The following SEPTIN11 variants were observed in gnomAD, a reference collection of about 807,000 sequenced individuals.
SEPTIN11 encodes the protein septin 11, also known as septin-11.
In SEPTIN11, 25 loss-of-function variants were observed where a neutral mutation model predicts 51.4. The observed-to-expected ratio is 0.49, with a 90% CI of 0.35 to 0.68. The LOEUF is 0.68. Ranked by LOEUF, SEPTIN11 falls within the 30% of genes least tolerant of loss-of-function variation. The pLI, the probability that SEPTIN11 is intolerant of heterozygous loss-of-function variation, is 0.00. For synonymous variants in SEPTIN11, 174 were observed against 184.1 expected (o/e 0.95, Z 0.44); for missense variants, 381 against 520.8 (o/e 0.73, Z 2.61).
intron 1 of SEPTIN11, among the ~76,000 whole-genome samples, chr4:76,955,342 A>T (rs1474286102): frequency 6.6e-6 from 1 of 152,174 alleles, no homozygotes. Context: ...TTTAGCAAGG[A>T]AAGGGAGATG....
Position 77,029,753 on chromosome 4 carries a change from C to CAT in SEPTIN11, c.1086+1006_1086+1007dup, listed in dbSNP as rs141639335. ...TTATTTAAGTAGCTAATACATAATG[C>CAT]ATATATATATATATACACACACACA... On this transcript the variant is annotated intron_variant, in intron 8 of 9. Coordinates refer to ENST00000264893, the MANE Select transcript of SEPTIN11 (RefSeq NM_018243.4). Among the ~76,000 whole-genome samples, 662 of 149,564 alleles carry CAT rather than the reference C, an allele frequency of 4.4e-3. 2 individuals carry two copies. The highest frequency in any genetic ancestry group is 0.027 in the Middle Eastern group (8 of 292).
chr4:77,027,588 G>A (rs749624678), intron 7 of SEPTIN11, among the ~76,000 whole-genome samples: 1 of 152,214 alleles, frequency 6.6e-6, no homozygotes, highest in Non-Finnish European at 1.5e-5. Flanking sequence ...GCCAGGGATC[G>A]TGCAGAGTGG....
intron 1 of SEPTIN11, among the ~76,000 whole-genome samples, chr4:76,988,998 G>A (rs1019300836): frequency 6.6e-6 from 1 of 152,192 alleles, no homozygotes; most frequent in African/African-American, 2.4e-5. Context: ...TTCACCCTGT[G>A]TTGGCTTTCC....
chr4:77,018,754 A>G (rs1342050171), intron 5 of SEPTIN11, among the ~76,000 whole-genome samples: 1 of 152,236 alleles, frequency 6.6e-6, no homozygotes, highest in African/African-American at 2.4e-5. Context: ...CAGTTTTGCC[A>G]AAACAATAAA....
chr4:76,998,600 T>C (rs1018551144), intron 2 of SEPTIN11, among the ~76,000 whole-genome samples: 1 of 152,124 alleles, frequency 6.6e-6, no homozygotes, highest in Non-Finnish European at 1.5e-5. Flanking sequence ...TAAACCCAGT[T>C]AAGACTCTCC....
rs925437383 is a variant in SEPTIN11, at chr4:77,036,584, T to A, written c.*2072T>A. 9.1e-6 allele frequency: 13 copies of A among 1,427,538 alleles called. No homozygotes were observed. Among genetic ancestry groups the A allele is most frequent in the African/African-American group, 1.5e-5 (1 of 68,376 alleles). 88.4% of individuals were successfully genotyped at this position (1,427,538 alleles called of 1,614,324 possible). A position where few individuals can be genotyped will look rare whatever the true frequency, so the allele number is the denominator to read the frequency against. Reference sequence around the variant, plus strand: ...ATTGGATTGACTTTTTTGCATTAAATTTTTCCCAGCAAAATAAATCATATG... The same window carrying A: ...ATTGGATTGACTTTTTTGCATTAAAATTTTCCCAGCAAAATAAATCATATG... On this transcript the variant is annotated 3_prime_UTR_variant, in exon 10 of 10. Coordinates refer to ENST00000264893, the MANE Select transcript of SEPTIN11 (RefSeq NM_018243.4).
At chr4:77,031,042 C>A (rs76333678) in intron 9 of SEPTIN11, 72 bp downstream of exon 9, 2 of 1,371,614 alleles carry the variant, frequency 1.5e-6, no homozygotes, top group East Asian at 2.4e-5. Context: ...CTACTTTTCC[C>A]ATTTACAGAC....
chr4:76,957,878 C>A (rs1721633134), intron 1 of SEPTIN11, among the ~76,000 whole-genome samples: 1 of 152,162 alleles, frequency 6.6e-6, no homozygotes, highest in African/African-American at 2.4e-5. Flanking sequence ...GGAGTCCCCA[C>A]CCCACCTTTC....
chr4:77,034,446 TTTTAA>T, intron 9 of SEPTIN11, 46 bp from the exon 10 acceptor site: 1 of 1,440,296 alleles, frequency 6.9e-7, no homozygotes, highest in Non-Finnish European at 9.2e-7. Flanking sequence ...TTTCCTTTCT[TTTTAA>T]TTTATTATTA....
At chr4:77,016,633 C>CACACATATATATATATATATATATAT (rs1375044162) in intron 5 of SEPTIN11, among the ~76,000 whole-genome samples, 5 of 72,746 alleles carry the variant, frequency 6.9e-5, no homozygotes, top group Admixed American at 1.6e-4. Flanking sequence ...TATATATACA[C>CACACATATATATATATATATATATAT]ATATATATAT....
Position 77,035,393 on chromosome 4 carries a change from AC to A in SEPTIN11, c.*883del. 1 of 985,390 alleles carries A rather than the reference AC, an allele frequency of 1.0e-6. No homozygotes were observed. Among genetic ancestry groups the A allele is most frequent in the Non-Finnish European group, 1.2e-6 (1 of 829,908 alleles). The allele number at this position is 985,390 out of a possible 1,614,324, so 61.0% of individuals were successfully genotyped here. ...TGTTCCCAGTGGGCTTAGAGGGAGG[AC>A]CTGATGACTGATTCCAGGATACTTG... On this transcript the variant is annotated 3_prime_UTR_variant, in exon 10 of 10. Coordinates refer to ENST00000264893, the MANE Select transcript of SEPTIN11 (RefSeq NM_018243.4).
intron 1 of SEPTIN11, chr4:76,973,173 A>G (rs1722321140): frequency 2.0e-5 from 3 of 152,196 alleles, no homozygotes; most frequent in African/African-American, 7.2e-5. Flanking sequence ...GCAGGACTTT[A>G]TCACTCAAAG....
At position 76,949,791 on chromosome 4, in the gene SEPTIN11, A is replaced by G. The variant is rs554288036; in HGVS notation, c.-113A>G. On this transcript the variant is annotated 5_prime_UTR_variant, in exon 1 of 10. Transcript: ENST00000264893. ...GGCTGCCAGCGGGACGCCGGCGAGC[A>G]GAGCGCAGCCGCGAGGGAGGCGCGA... is the stretch of plus-strand genomic sequence containing the variant. 86 of 1,180,238 alleles carry G rather than the reference A, an allele frequency of 7.3e-5. No individual in the cohort carries two copies. The South Asian group carries it at 7.7e-4, about 11-fold the overall frequency. The allele number at this position is 1,180,238 out of a possible 1,614,324, so 73.1% of individuals were successfully genotyped here.
Position 77,007,568 on chromosome 4 carries a change from C to T in SEPTIN11, c.338+1772C>T, listed in dbSNP as rs550481830. Among the ~76,000 whole-genome samples the T allele has an allele frequency of 3.6e-4, 55 of 152,300 alleles. 3 individuals are homozygous for T. In the South Asian group the frequency reaches 6.0e-3, roughly 17 times the overall value. On this transcript the variant is annotated intron_variant, in intron 3 of 9. Coordinates refer to ENST00000264893, the MANE Select transcript of SEPTIN11 (RefSeq NM_018243.4). ...TCAGCACTCAGCAGCAAACAGTTAGCACAATGCATATCCTCATATTTGCAG... is the reference window on the plus strand; with the variant it reads ...TCAGCACTCAGCAGCAAACAGTTAGTACAATGCATATCCTCATATTTGCAG...
At chr4:76,998,915 C>A (rs1368797641) in intron 2 of SEPTIN11, among the ~76,000 whole-genome samples, 1 of 152,056 alleles carries the variant, frequency 6.6e-6, no homozygotes, top group African/African-American at 2.4e-5. Flanking sequence ...TCAGTTCACT[C>A]CAAAACATAC....
chr4:76,993,545 A>G (rs1471491784), intron 1 of SEPTIN11, among the ~76,000 whole-genome samples: 1 of 152,120 alleles, frequency 6.6e-6, no homozygotes, highest in Non-Finnish European at 1.5e-5. Context: ...TGCTGGAGGC[A>G]CTGGGTAAGG....
At position 77,037,173 on chromosome 4, in the gene SEPTIN11, C is replaced by T. The variant is rs569769007; in HGVS notation, c.*2661C>T. The T allele has an allele frequency of 2.0e-5, 14 of 693,718 alleles. No homozygotes were observed. Among genetic ancestry groups the T allele is most frequent in the South Asian group, 6.4e-5 (1 of 15,584 alleles). 43.0% of individuals were successfully genotyped at this position (693,718 alleles called of 1,614,324 possible). On this transcript the variant is annotated 3_prime_UTR_variant, in exon 10 of 10. Transcript: ENST00000264893. ...GGCCTGGAGTTCAAGACCACCTTGG[C>T]GAACACGGTGAAACCCCGTCTCTAC...
chr4:76,993,682 G>A (rs1465404494), intron 1 of SEPTIN11, among the ~76,000 whole-genome samples: 1 of 152,040 alleles, frequency 6.6e-6, no homozygotes, highest in Non-Finnish European at 1.5e-5. Flanking sequence ...GTGACTCTCA[G>A]GTTTCCTTTA....
chr4:77,001,695 C>T (rs904768737), intron 2 of SEPTIN11, among the ~76,000 whole-genome samples: 2 of 152,156 alleles, frequency 1.3e-5, no homozygotes, highest in African/African-American at 4.8e-5. Flanking sequence ...AGGCATTCTG[C>T]TAGGGAGTTT....
Sources: gnomAD v4.1 joint callset for allele counts (sites outside exome capture counted in the v4.1 genomes callset) on GRCh38, gnomAD v4.1.1 for gene constraint, MANE v1.5 for transcripts, NCBI Gene and HGNC (gene_info 2026-07-23, HGNC 2026-07-21) for gene names.